Variants in ROBO2 observed in about 807,000 individuals in gnomAD.
The protein encoded by ROBO2 is roundabout guidance receptor 2, also known as roundabout homolog 2.
In ROBO2, 53 loss-of-function variants were observed where a neutral mutation model predicts 160.8. The observed-to-expected ratio is 0.33, with a 90% CI of 0.26 to 0.41. ROBO2 has a LOEUF of 0.41. ROBO2 is among the 10% of genes least tolerant of loss of function. The probability of loss-of-function intolerance (pLI) is 1.00; values close to 1 mark genes in which losing one functional copy is unlikely to be tolerated. For missense variants in ROBO2, 1,577 were observed against 1,722.4 expected (o/e 0.92, Z 1.49); for synonymous variants, 664 against 611.7 (o/e 1.09, Z -1.26).
At chr3:76,848,837 A>G (rs781495639) in intron 2 of ROBO2, among the ~76,000 whole-genome samples, 2 of 152,202 alleles carry the variant, frequency 1.3e-5, no homozygotes, top group East Asian at 1.9e-4. Context: ...ATTTCAACAT[A>G]CGAATATTGG....
At chr3:77,236,012 G>A (rs146685902) in intron 2 of ROBO2, among the ~76,000 whole-genome samples, 3,399 of 152,314 alleles carry the variant, frequency 0.022, 109 homozygotes, top group African/African-American at 0.076. Context: ...GATTTATTCT[G>A]AGCCAAATAT....
intron 2 of ROBO2, among the ~76,000 whole-genome samples, chr3:76,188,896 G>T (rs2107162384): frequency 6.6e-6 from 1 of 152,110 alleles, no homozygotes; most frequent in Middle Eastern, 3.4e-3. Context: ...GAGAAGTCAA[G>T]GAAAAGGAAT....
intron 2 of ROBO2, among the ~76,000 whole-genome samples, chr3:77,166,652 G>A (rs1004144631): frequency 7.9e-5 from 12 of 152,004 alleles, no homozygotes; most frequent in Non-Finnish European, 1.6e-4. Context: ...TCCACCTCCC[G>A]GGTTCCCGCC....
rs543442594 is a variant in ROBO2 at position 77,435,693 on chromosome 3, A to G, written c.389-41721A>G. Among the ~76,000 whole-genome samples the G allele has an allele frequency of 2.0e-5, 3 of 151,974 alleles. No individual in the cohort carries two copies. In the East Asian group the frequency reaches 5.9e-4, roughly 30 times the overall value. On this transcript the variant is annotated intron_variant, in intron 2 of 25. Transcript: ENST00000461745. ...ACCAAAGGAATGATATATTGATTCC[A>G]TCTGACAATGCTTTGTCTACAGATC... is the stretch of plus-strand genomic sequence containing the variant.
intron 2 of ROBO2, among the ~76,000 whole-genome samples, chr3:76,017,233 C>T (rs944062789): frequency 2.0e-5 from 3 of 152,110 alleles, no homozygotes; most frequent in Non-Finnish European, 2.9e-5. Context: ...TATGCAAAGA[C>T]GACTAACAAT....
At chr3:76,813,668 G>A (rs906480281) in intron 2 of ROBO2, among the ~76,000 whole-genome samples, 10 of 152,054 alleles carry the variant, frequency 6.6e-5, no homozygotes, top group Non-Finnish European at 1.5e-4. Context: ...AAATAGCGCA[G>A]CATCTATCTC....
At chr3:76,235,485 T>G (rs1704886910) in intron 2 of ROBO2, among the ~76,000 whole-genome samples, 1 of 152,166 alleles carries the variant, frequency 6.6e-6, no homozygotes, top group Non-Finnish European at 1.5e-5. Flanking sequence ...ATTTTGTTGT[T>G]TTTAGCTACC....
chr3:76,515,762 A>G (rs2081319597), intron 2 of ROBO2, among the ~76,000 whole-genome samples: 1 of 152,202 alleles, frequency 6.6e-6, no homozygotes, highest in South Asian at 2.1e-4. Context: ...CACTGAATGG[A>G]TAACCCACTC....
intron 16 of ROBO2, among the ~76,000 whole-genome samples, chr3:77,588,236 A>C (rs2094101474): frequency 6.6e-6 from 1 of 152,088 alleles, no homozygotes. Context: ...AATACTTCCC[A>C]GAAAATTAAA....
intron 2 of ROBO2, among the ~76,000 whole-genome samples, chr3:76,097,550 G>A (rs558731272): frequency 2.4e-4 from 36 of 150,642 alleles, no homozygotes; most frequent in African/African-American, 8.7e-4. Context: ...GGCAGATGGT[G>A]ATAAGTTTTC....
At chr3:76,138,777 T>C (rs898028552) in intron 2 of ROBO2, among the ~76,000 whole-genome samples, 1 of 152,174 alleles carries the variant, frequency 6.6e-6, no homozygotes, top group African/African-American at 2.4e-5. Context: ...TTTAATAGTT[T>C]ACTGTGTTCA....
At chr3:76,127,065 A>G (rs1217393778) in intron 2 of ROBO2, among the ~76,000 whole-genome samples, 1 of 152,168 alleles carries the variant, frequency 6.6e-6, no homozygotes, top group Admixed American at 6.5e-5. Flanking sequence ...ACTATTAGCT[A>G]TCATGAGAGT....
intron 2 of ROBO2, among the ~76,000 whole-genome samples, chr3:76,656,335 A>G (rs1033215615): frequency 4.6e-5 from 7 of 152,142 alleles, no homozygotes; most frequent in African/African-American, 1.4e-4. Context: ...AAACATTATT[A>G]TATCCTTCGT....
At chr3:77,280,763 A>G (rs2060190860) in intron 2 of ROBO2, among the ~76,000 whole-genome samples, 1 of 152,170 alleles carries the variant, frequency 6.6e-6, no homozygotes, top group South Asian at 2.1e-4. Flanking sequence ...TGCCTTCAGA[A>G]ATTTGCCATG....
At chr3:76,275,170 A>G (rs897756668) in intron 2 of ROBO2, among the ~76,000 whole-genome samples, 13 of 152,306 alleles carry the variant, frequency 8.5e-5, no homozygotes, top group African/African-American at 1.7e-4. Flanking sequence ...CTTATATTCA[A>G]TAATATCAGG....
chr3:76,521,128 A>C (rs979083210), intron 2 of ROBO2, among the ~76,000 whole-genome samples: 46 of 141,692 alleles, frequency 3.2e-4, no homozygotes, highest in Non-Finnish European at 5.4e-4. Flanking sequence ...AACTCACCGC[A>C]ACCTTTGCCT....
At chr3:76,279,719 A>T (rs1377813300) in intron 2 of ROBO2, among the ~76,000 whole-genome samples, 1 of 146,608 alleles carries the variant, frequency 6.8e-6, no homozygotes, top group South Asian at 2.3e-4. Flanking sequence ...GGAAACAATT[A>T]TCATTGCATC....
intron 2 of ROBO2, among the ~76,000 whole-genome samples, chr3:77,385,493 G>A (rs577783914): frequency 6.6e-6 from 1 of 152,264 alleles, no homozygotes; most frequent in Admixed American, 6.5e-5. Flanking sequence ...GTGTGGTAGT[G>A]TATAGATCTA....
chr3:76,976,010 C>A (rs2059799769), intron 2 of ROBO2, among the ~76,000 whole-genome samples: 1 of 152,172 alleles, frequency 6.6e-6, no homozygotes, highest in South Asian at 2.1e-4. Context: ...AGAGTCTCGT[C>A]TGCCACTGAA....
Sources: allele counts gnomAD v4.1 joint callset (sites outside exome capture counted in the v4.1 genomes callset), GRCh38; gene constraint gnomAD v4.1.1; transcripts MANE v1.5; gene names NCBI Gene and HGNC (gene_info 2026-07-23, HGNC 2026-07-21).